Variants in CTSH observed in about 807,000 individuals in gnomAD.
CTSH encodes the protein cathepsin H, also known as pro-cathepsin H.
CTSH carries 52 observed loss-of-function variants against 56.3 expected under a neutral mutation model. That is an observed-to-expected ratio of 0.92 (90% CI 0.74 to 1.16). The LOEUF (loss-of-function observed/expected upper bound fraction) is 1.16, where lower values mean the gene tolerates loss of function less well. CTSH is among the 50% of genes most tolerant of loss of function. The pLI, the probability that CTSH is intolerant of heterozygous loss-of-function variation, is 0.00. For missense variants in CTSH, 406 were observed against 424.5 expected, an observed-to-expected ratio of 0.96 and a Z score of 0.38; for synonymous variants, 174 against 155.7, an observed-to-expected ratio of 1.12 and a Z score of -0.88.
chr15:78,929,493 C>T lies in CTSH; in HGVS notation c.549G>A (p.Gly183=), dbSNP rs746828205. 1 of 1,608,524 alleles carries T rather than the reference C, an allele frequency of 6.2e-7. No homozygotes were observed. The highest frequency in any genetic ancestry group is 1.7e-5 in the Admixed American group (1 of 59,372). Reference sequence around the variant, plus strand: ...ACTCGAAAGCCTGGCTGGGGAGACCCCTGCAAGAAGTACACACAGGTGAGC... The same window carrying T: ...ACTCGAAAGCCTGGCTGGGGAGACCTCTGCAAGAAGTACACACAGGTGAGC... ...AQDFNNHGCQ[G]GLPSQAFEYI... is the part of the protein sequence containing the mutation. Residue 183 remains glycine, a splice_region_variant and synonymous_variant, in exon 8 of 12, where the codon GGG becomes GGA. Coordinates refer to ENST00000220166, the MANE Select transcript of CTSH (RefSeq NM_004390.5).
chr15:78,944,977 C>A lies in CTSH; in HGVS notation c.5G>T (p.Trp2Leu). The stretch of plus-strand genomic sequence containing the variant: ...GGCGCAGAGCAGCGGCAGCGTGGCC[C>A]ACATCGCAGCGCTGGCGGCTTGGCT... M[W>L]ATLPLLCAGA... Residue 2 changes from tryptophan to leucine, a missense_variant, in exon 1 of 12, where the codon TGG (tryptophan) becomes TTG (leucine). Transcript: ENST00000220166. The A allele has an allele frequency of 1.9e-6, 3 of 1,541,886 alleles. No homozygotes were observed. Among genetic ancestry groups the A allele is most frequent in the Non-Finnish European group, 2.6e-6 (3 of 1,144,120 alleles).
chr15:78,937,798 A>G (rs1227109970), intron 2 of CTSH: 3 of 1,299,642 alleles, frequency 2.3e-6, no homozygotes, highest in Non-Finnish European at 3.0e-6. Flanking sequence ...TGATTCTGCA[A>G]CCAGTACACA....
At chr15:78,922,510 G>A (rs1010635316) in intron 11 of CTSH, among the ~76,000 whole-genome samples, 9 of 152,084 alleles carry the variant, frequency 5.9e-5, no homozygotes, top group South Asian at 2.1e-4. Flanking sequence ...CCAGGAGCCC[G>A]AGGGAACAGG....
At position 78,927,793 on chromosome 15, in the gene CTSH, G is replaced by T; in HGVS notation, c.631-12C>A. On this transcript the variant is annotated splice_polypyrimidine_tract_variant and intron_variant, in intron 8 of 11. Coordinates refer to ENST00000220166, the MANE Select transcript of CTSH (RefSeq NM_004390.5). Reference sequence around the variant, plus strand: ...TTGCAATAACCATCCTGTTGAGGATGCAAAGGGCATGAAATACAGGTTATG... The same window carrying T: ...TTGCAATAACCATCCTGTTGAGGATTCAAAGGGCATGAAATACAGGTTATG... The T allele has an allele frequency of 6.2e-7, 1 of 1,613,280 alleles. No individual in the cohort carries two copies. Among genetic ancestry groups the T allele is most frequent in the Non-Finnish European group, 8.5e-7 (1 of 1,179,192 alleles).
intron 3 of CTSH, 153 bp downstream of exon 3, chr15:78,937,161 CAGAG>C: frequency 1.6e-6 from 1 of 632,008 alleles, no homozygotes; most frequent in East Asian, 2.7e-5. Flanking sequence ...CCACATTACA[CAGAG>C]AGTAACAGCG....
chr15:78,936,893 T>C, intron 3 of CTSH: 1 of 162,042 alleles, frequency 6.2e-6, no homozygotes. Flanking sequence ...CCTCCCAAAG[T>C]GCTGGAATTA....
intron 7 of CTSH, 137 bp downstream of exon 7, chr15:78,931,314 G>A: frequency 1.8e-6 from 2 of 1,109,982 alleles, no homozygotes; most frequent in South Asian, 1.4e-5. Flanking sequence ...GACCACCCCT[G>A]TACAACAGAG....
chr15:78,938,951 AC>A (rs2055232363), intron 2 of CTSH, among the ~76,000 whole-genome samples, 188 bp downstream of exon 2: 1 of 152,206 alleles, frequency 6.6e-6, no homozygotes, highest in Middle Eastern at 3.2e-3. Context: ...ATCACTTGGG[AC>A]CACTATTTGG....
chr15:78,932,115 G>C, intron 6 of CTSH: 1 of 1,245,584 alleles, frequency 8.0e-7, no homozygotes. Context: ...CGCCGGGAAG[G>C]CTCCAGGCTG....
chr15:78,942,011 T>C (rs2055305286), intron 1 of CTSH, among the ~76,000 whole-genome samples: 2 of 152,192 alleles, frequency 1.3e-5, no homozygotes, highest in Non-Finnish European at 2.9e-5. Context: ...TGAATATTGT[T>C]TGGTTGAGAA....
At chr15:78,932,086 C>T in intron 6 of CTSH, 2 of 1,267,434 alleles carry the variant, frequency 1.6e-6, no homozygotes, top group Non-Finnish European at 2.0e-6. Flanking sequence ...CAGGCAGGCT[C>T]CGCCTTTCTG....
At chr15:78,928,303 C>T (rs1009377022) in intron 8 of CTSH, among the ~76,000 whole-genome samples, 5 of 151,760 alleles carry the variant, frequency 3.3e-5, no homozygotes, top group Non-Finnish European at 7.4e-5. Context: ...CACGGTGGCT[C>T]ACGCCTGTAA....
chr15:78,937,870 C>A, intron 2 of CTSH: 1 of 1,176,224 alleles, frequency 8.5e-7, no homozygotes, highest in Non-Finnish European at 1.1e-6. Flanking sequence ...AACTGATGTA[C>A]TTTTTTTGGT....
chr15:78,939,756 G>A (rs1004137592), intron 1 of CTSH, among the ~76,000 whole-genome samples: 2 of 152,140 alleles, frequency 1.3e-5, no homozygotes, highest in Non-Finnish European at 2.9e-5. Context: ...GTATGGTGGT[G>A]TGTGCCTGTA....
At position 78,944,982 on chromosome 15, in the gene CTSH, C is replaced by A. The variant is rs1036939; in HGVS notation, c.-1G>T. ...AGAGCAGCGGCAGCGTGGCCCACATCGCAGCGCTGGCGGCTTGGCTCTTGC... is the reference window on the plus strand; with the variant it reads ...AGAGCAGCGGCAGCGTGGCCCACATAGCAGCGCTGGCGGCTTGGCTCTTGC... On this transcript the variant is annotated 5_prime_UTR_variant, in exon 1 of 12. Coordinates refer to ENST00000220166, the MANE Select transcript of CTSH (RefSeq NM_004390.5). 991,803 of 1,538,772 alleles carry A rather than the reference C, an allele frequency of 0.64. 333,578 individuals carry two copies. Among genetic ancestry groups the A allele is most frequent in the Non-Finnish European group, 0.7 (795,263 of 1,143,402 alleles).
chr15:78,924,164 G>A (rs911877144), intron 10 of CTSH, among the ~76,000 whole-genome samples: 1 of 149,752 alleles, frequency 6.7e-6, no homozygotes, highest in Admixed American at 6.6e-5. Flanking sequence ...GAACGCCCAT[G>A]GAACTGCGAA....
chr15:78,939,026 C>G (rs974019347), intron 2 of CTSH, 114 bp downstream of exon 2: 1 of 967,820 alleles, frequency 1.0e-6, no homozygotes, highest in African/African-American at 1.7e-5. Context: ...AAAGACCCCA[C>G]TAGGCAAAGT....
intron 1 of CTSH, chr15:78,944,621 G>T: frequency 2.5e-6 from 1 of 403,752 alleles, no homozygotes; most frequent in Non-Finnish European, 4.3e-6. Context: ...GGGCTCCTTT[G>T]GTATTCTAGG....
rs528709185 is a variant in CTSH, at chr15:78,923,214, T to C, written c.807-96A>G. On this transcript the variant is annotated intron_variant, in intron 10 of 11. Coordinates refer to ENST00000220166, the MANE Select transcript of CTSH (RefSeq NM_004390.5). ...CGCCTCTTTGAGCGCTTTAGAGCAA[T>C]GTTCCCCACAGCGGACCAGGGAGGC... 6.8e-5 allele frequency: 96 copies of C among 1,404,304 alleles called. No homozygotes were observed. The Middle Eastern group carries it at 8.9e-4, about 13-fold the overall frequency. The allele number at this position is 1,404,304 out of a possible 1,614,324, so 87.0% of individuals were successfully genotyped here.
Sources: allele counts gnomAD v4.1 joint callset (sites outside exome capture counted in the v4.1 genomes callset), GRCh38; gene constraint gnomAD v4.1.1; transcripts MANE v1.5; gene names NCBI Gene and HGNC (gene_info 2026-07-23, HGNC 2026-07-21).